The following STK33 variants were observed in gnomAD, a reference collection of about 807,000 sequenced individuals.
STK33 encodes the protein serine/threonine-protein kinase 33.
In STK33, 52 loss-of-function variants were observed where a neutral mutation model predicts 58.0. The ratio of observed to expected loss-of-function variants is 0.90; its 90% CI spans 0.72 to 1.13. The LOEUF (loss-of-function observed/expected upper bound fraction) is 1.13, where lower values mean the gene tolerates loss of function less well. Among genes scored for constraint, STK33 ranks in the 50% most tolerant of loss-of-function variants. The pLI, the probability that STK33 is intolerant of heterozygous loss-of-function variation, is 0.00. For missense variants in STK33, 630 were observed against 604.2 expected (o/e 1.04, Z -0.45); for synonymous variants, 215 against 200.1 (o/e 1.07, Z -0.63).
chr11:8,545,783 C>G (rs1004093817), intron 1 of STK33, among the ~76,000 whole-genome samples: 2 of 152,126 alleles, frequency 1.3e-5, no homozygotes, highest in Non-Finnish European at 2.9e-5. Flanking sequence ...GCAAAAAGAA[C>G]AAAGCTAGAG....
At chr11:8,420,525 G>A (rs558558196) in intron 14 of STK33, among the ~76,000 whole-genome samples, 29 of 152,240 alleles carry the variant, frequency 1.9e-4, no homozygotes, top group Middle Eastern at 3.4e-3. Flanking sequence ...TCTAAACCAC[G>A]CAACTACAAA....
chr11:8,455,242 T>C (rs569612567), intron 9 of STK33, among the ~76,000 whole-genome samples: 4 of 152,352 alleles, frequency 2.6e-5, no homozygotes, highest in Admixed American at 2.6e-4. Context: ...ACTGTCAGCA[T>C]AAACATTTTA....
At chr11:8,390,655 G>A (rs756956491), downstream of STK33, among the ~76,000 whole-genome samples, 2 of 152,160 alleles carry the variant, frequency 1.3e-5, no homozygotes, top group Admixed American at 6.5e-5. Flanking sequence ...TGAACACCTC[G>A]ATGGAGGGGC....
chr11:8,548,325 T>C (rs1483084579), intron 1 of STK33, among the ~76,000 whole-genome samples: 1 of 152,234 alleles, frequency 6.6e-6, no homozygotes, highest in Non-Finnish European at 1.5e-5. Context: ...CTTCTGCATA[T>C]GGATATACAG....
intron 6 of STK33, chr11:8,465,082 G>C: frequency 3.9e-6 from 1 of 254,030 alleles, no homozygotes; most frequent in Non-Finnish European, 7.4e-6. Flanking sequence ...AAACTCAAAA[G>C]TATAAAAATG....
intron 1 of STK33, among the ~76,000 whole-genome samples, chr11:8,497,665 T>C (rs1159227003): frequency 6.6e-6 from 1 of 152,148 alleles, no homozygotes; most frequent in African/African-American, 2.4e-5. Context: ...TCTCACCGTA[T>C]TGCCCAGGCT....
chr11:8,423,014 A>T (rs1330066134), intron 14 of STK33, among the ~76,000 whole-genome samples: 1 of 148,742 alleles, frequency 6.7e-6, no homozygotes, highest in African/African-American at 2.4e-5. Context: ...CTGATTTTTT[A>T]AATTTTTTGT....
the STK33 span, among the ~76,000 whole-genome samples, chr11:8,377,088 C>T: frequency 6.6e-5 from 10 of 152,194 alleles, no homozygotes; most frequent in African/African-American, 1.9e-4. Flanking sequence ...ACCACTAACT[C>T]GACAGTGCCC....
intron 1 of STK33, among the ~76,000 whole-genome samples, chr11:8,522,204 AGCAAAGACTTGG>A (rs1953519188): frequency 6.6e-6 from 1 of 152,242 alleles, no homozygotes; most frequent in South Asian, 2.1e-4. Context: ...TATTCACAAT[AGCAAAGACTTGG>A]AACCAACCCA....
chr11:8,557,201 T>G (rs1179669195), intron 1 of STK33, among the ~76,000 whole-genome samples: 1 of 133,472 alleles, frequency 7.5e-6, no homozygotes, highest in Non-Finnish European at 1.6e-5. Context: ...CAGTGAGCCT[T>G]GATTGTGCCA....
chr11:8,362,155 G>A, the STK33 span, among the ~76,000 whole-genome samples: 1 of 152,160 alleles, frequency 6.6e-6, no homozygotes, highest in Non-Finnish European at 1.5e-5. Context: ...GGGGCCCAGC[G>A]ACTGAGGGGC....
chr11:8,356,988 C>T, the STK33 span, among the ~76,000 whole-genome samples: 1 of 152,210 alleles, frequency 6.6e-6, no homozygotes, highest in East Asian at 1.9e-4. Context: ...AGCTGGACTG[C>T]ATTAAATGAA....
chr11:8,517,391 C>T (rs1443899413), intron 1 of STK33, among the ~76,000 whole-genome samples: 1 of 152,310 alleles, frequency 6.6e-6, no homozygotes, highest in South Asian at 2.1e-4. Flanking sequence ...GAAACCAGAG[C>T]AGAAAAGCTG....
chr11:8,517,424 C>T (rs1427183368), intron 1 of STK33, among the ~76,000 whole-genome samples: 1 of 152,236 alleles, frequency 6.6e-6, no homozygotes, highest in East Asian at 1.9e-4. Context: ...ATCAGAGTGC[C>T]TCTTCTCCTC....
chr11:8,476,411 A>G (rs1165675161), intron 4 of STK33, among the ~76,000 whole-genome samples: 1 of 152,200 alleles, frequency 6.6e-6, no homozygotes, highest in African/African-American at 2.4e-5. Context: ...ATTTTGTTGA[A>G]TTTTGCCTAT....
chr11:8,556,746 T>A (rs975394261), intron 1 of STK33, among the ~76,000 whole-genome samples: 1 of 152,206 alleles, frequency 6.6e-6, no homozygotes, highest in African/African-American at 2.4e-5. Flanking sequence ...CCCACTAGAC[T>A]GTGAGGGGAA....
At chr11:8,513,121 T>G (rs1299354158) in intron 1 of STK33, among the ~76,000 whole-genome samples, 1 of 152,206 alleles carries the variant, frequency 6.6e-6, no homozygotes, top group Non-Finnish European at 1.5e-5. Context: ...CATCACTTTT[T>G]TGCCACTTAG....
the STK33 span, among the ~76,000 whole-genome samples, chr11:8,368,456 A>G: frequency 1.3e-5 from 2 of 152,268 alleles, no homozygotes; most frequent in African/African-American, 4.8e-5. Context: ...CCCTCAGCAG[A>G]CCCAGGATGG....
At chr11:8,514,566 T>C (rs974007050) in intron 1 of STK33, among the ~76,000 whole-genome samples, 1 of 152,164 alleles carries the variant, frequency 6.6e-6, no homozygotes, top group Non-Finnish European at 1.5e-5. Flanking sequence ...CAAGGTTGAG[T>C]ACCTCAGGAG....
Sources: allele counts gnomAD v4.1 joint callset (sites outside exome capture counted in the v4.1 genomes callset), GRCh38; gene constraint gnomAD v4.1.1; transcripts MANE v1.5; gene names NCBI Gene and HGNC (gene_info 2026-07-23, HGNC 2026-07-21).